EPHA6: variants seen among roughly 807,000 people sequenced by gnomAD.
The protein encoded by EPHA6 is EPH receptor A6.
EPHA6 carries 50 observed loss-of-function variants against 112.0 expected under a neutral mutation model. That is an observed-to-expected ratio of 0.45 (90% CI 0.36 to 0.56). The LOEUF (loss-of-function observed/expected upper bound fraction) is 0.56. EPHA6 is among the 20% of genes least tolerant of loss of function. The probability of loss-of-function intolerance (pLI) is 0.00; values close to 1 mark genes in which losing one functional copy is unlikely to be tolerated. For missense variants in EPHA6, 1,280 were observed against 1,417.4 expected (o/e 0.90, Z 1.56); for synonymous variants, 529 against 490.7 (o/e 1.08, Z -1.03).
At chr3:97,106,223 C>T (rs1047456306) in intron 3 of EPHA6, among the ~76,000 whole-genome samples, 1 of 151,988 alleles carries the variant, frequency 6.6e-6, no homozygotes, top group Non-Finnish European at 1.5e-5. Context: ...TGCTAACTGG[C>T]TTAGTATACT....
chr3:97,718,561 A>C (rs1264363183), intron 14 of EPHA6, among the ~76,000 whole-genome samples: 1 of 152,158 alleles, frequency 6.6e-6, no homozygotes, highest in Non-Finnish European at 1.5e-5. Flanking sequence ...TTTGTTATTT[A>C]TCTGAAATAC....
chr3:97,423,323 A>G (rs574410937), intron 6 of EPHA6, among the ~76,000 whole-genome samples: 4 of 152,352 alleles, frequency 2.6e-5, no homozygotes, highest in East Asian at 3.9e-4. Flanking sequence ...TACAAAATCA[A>G]TGTGAAAAAT....
intron 6 of EPHA6, among the ~76,000 whole-genome samples, chr3:97,432,762 AGAAGAGCCAGAAGC>A (rs1282894461): frequency 1.3e-5 from 2 of 152,134 alleles, no homozygotes; most frequent in Admixed American, 6.5e-5. Context: ...GGGAAGAGAG[AGAAGAGCCAGAAGC>A]GAATGGGTAA....
At chr3:97,241,016 G>T (rs574308012) in intron 4 of EPHA6, among the ~76,000 whole-genome samples, 4 of 151,632 alleles carry the variant, frequency 2.6e-5, no homozygotes, top group African/African-American at 9.7e-5. Flanking sequence ...CTGCTACTCC[G>T]AGAGGAAGAT....
intron 15 of EPHA6, among the ~76,000 whole-genome samples, chr3:97,732,774 T>C (rs1241365826): frequency 6.6e-6 from 1 of 152,054 alleles, no homozygotes; most frequent in Non-Finnish European, 1.5e-5. Context: ...CGCTTAGAAC[T>C]GGCCTTGAAA....
chr3:97,604,857 T>C (rs1027088099), intron 12 of EPHA6, among the ~76,000 whole-genome samples: 2 of 151,644 alleles, frequency 1.3e-5, no homozygotes, highest in East Asian at 1.9e-4. Flanking sequence ...AAATCTTTTG[T>C]AGGTCTGCAA....
intron 1 of EPHA6, among the ~76,000 whole-genome samples, chr3:96,837,946 T>G (rs1447599775): frequency 6.6e-6 from 1 of 152,066 alleles, no homozygotes; most frequent in African/African-American, 2.4e-5. Context: ...ACATGTACCA[T>G]GGTGTTTTGC....
chr3:96,895,858 C>T (rs552901318), intron 2 of EPHA6, among the ~76,000 whole-genome samples: 84 of 152,242 alleles, frequency 5.5e-4, no homozygotes, highest in Middle Eastern at 3.4e-3. Context: ...TTCACACAGG[C>T]TTCTTATAGG....
intron 3 of EPHA6, among the ~76,000 whole-genome samples, chr3:97,171,346 A>T (rs75595404): frequency 0.014 from 2,085 of 152,274 alleles, 30 homozygotes; most frequent in Non-Finnish European, 0.021. Context: ...TGAATCATGG[A>T]ATAAGAAAAT....
chr3:97,475,430 T>C lies in EPHA6; in HGVS notation c.1973T>C (p.Ile658Thr). 1 of 1,611,980 alleles carries C rather than the reference T, an allele frequency of 6.2e-7. No homozygotes were observed. Among genetic ancestry groups the C allele is most frequent in the Non-Finnish European group, 8.5e-7 (1 of 1,178,822 alleles). Residue 658 changes from isoleucine (I) to threonine (T), a missense_variant, in exon 8 of 18, where the codon ATC (isoleucine) becomes ACC (threonine). Transcript: ENST00000389672. ...AAVGGFTLLVILTLFFLITGR... is the reference protein window; with the variant it reads ...AAVGGFTLLVTLTLFFLITGR... Reference sequence around the variant, plus strand: ...GTTGGCGGATTCACTCTCCTCGTCATCCTCACTTTATTCTTCTTGATCACT... The same window carrying C: ...GTTGGCGGATTCACTCTCCTCGTCACCCTCACTTTATTCTTCTTGATCACT...
intron 10 of EPHA6, among the ~76,000 whole-genome samples, chr3:97,526,215 G>A (rs570048595): frequency 1.7e-4 from 26 of 152,286 alleles, no homozygotes; most frequent in African/African-American, 6.3e-4. Context: ...GGCACTGTGG[G>A]ACATGCCTTC....
At chr3:96,973,981 T>G (rs976991076) in intron 2 of EPHA6, among the ~76,000 whole-genome samples, 1 of 145,596 alleles carries the variant, frequency 6.9e-6, no homozygotes, top group East Asian at 2.0e-4. Context: ...AACAGAATCT[T>G]TATTATATAT....
At chr3:97,222,605 C>G (rs2078239832) in intron 3 of EPHA6, among the ~76,000 whole-genome samples, 1 of 152,134 alleles carries the variant, frequency 6.6e-6, no homozygotes, top group Admixed American at 6.5e-5. Context: ...AAGATATTTA[C>G]TATCTGTTTT....
chr3:97,330,153 C>T (rs1208365677), intron 5 of EPHA6, among the ~76,000 whole-genome samples: 3 of 151,932 alleles, frequency 2.0e-5, no homozygotes, highest in East Asian at 1.9e-4. Context: ...TTTCTGAGGG[C>T]TCTGTTCTGT....
At position 96,841,189 on chromosome 3, in the gene EPHA6, G is replaced by A. The variant is rs145777085; in HGVS notation, c.386-25636G>A. On this transcript the variant is annotated intron_variant, in intron 1 of 17. Coordinates refer to ENST00000389672, the MANE Select transcript of EPHA6 (RefSeq NM_001080448.3). ...GGCTGGTCAACTTGAAGTGGAGAGG[G>A]GACTTCCAGGTAATAGGTAGAAAGA... 4.7e-4 allele frequency among the ~76,000 whole-genome samples: 71 copies of A among 152,150 alleles called. 2 individuals carry two copies. In the East Asian group the frequency reaches 0.014, roughly 29 times the overall value.
intron 2 of EPHA6, among the ~76,000 whole-genome samples, chr3:96,896,698 A>G (rs770664931): frequency 5.3e-5 from 8 of 152,128 alleles, no homozygotes; most frequent in African/African-American, 7.2e-5. Context: ...TCATTTTCCT[A>G]TCTTGGGAAG....
intron 5 of EPHA6, among the ~76,000 whole-genome samples, chr3:97,293,994 C>A (rs543158458): frequency 2.6e-5 from 4 of 152,332 alleles, no homozygotes; most frequent in African/African-American, 9.6e-5. Context: ...CACAACAGCA[C>A]CCAGGTTCAG....
chr3:97,304,189 C>G (rs2081214461), intron 5 of EPHA6, among the ~76,000 whole-genome samples: 1 of 151,974 alleles, frequency 6.6e-6, no homozygotes, highest in Non-Finnish European at 1.5e-5. Context: ...CATCTGCAAA[C>G]AGAGACAGTT....
At chr3:97,444,740 C>T (rs191718368) in intron 6 of EPHA6, among the ~76,000 whole-genome samples, 149 of 152,262 alleles carry the variant, frequency 9.8e-4, no homozygotes, top group Non-Finnish European at 1.7e-3. Context: ...AGGGTCTGAA[C>T]ACCTGAGCCT....
Sources: allele counts gnomAD v4.1 joint callset (sites outside exome capture counted in the v4.1 genomes callset), GRCh38; gene constraint gnomAD v4.1.1; transcripts MANE v1.5; gene names NCBI Gene and HGNC (gene_info 2026-07-23, HGNC 2026-07-21).